The following KIAA1217 variants were observed in gnomAD, a reference collection of about 807,000 sequenced individuals.
The protein encoded by KIAA1217 is KIAA1217, also known as sickle tail protein homolog.
Under a neutral mutation model 163.9 loss-of-function variants are expected in KIAA1217, and 88 were observed. The observed-to-expected ratio is 0.54, with a 90% CI of 0.45 to 0.64. KIAA1217 has a LOEUF of 0.64. KIAA1217 is among the 30% of genes least tolerant of loss of function. The pLI is 0.00. For missense variants in KIAA1217, 2,372 were observed against 2,475.0 expected, an observed-to-expected ratio of 0.96 and a Z score of 0.88; for synonymous variants, 903 against 923.1, an observed-to-expected ratio of 0.98 and a Z score of 0.39.
At chr10:23,735,258 G>A (rs1838731004) in intron 1 of KIAA1217, among the ~76,000 whole-genome samples, 1 of 151,802 alleles carries the variant, frequency 6.6e-6, no homozygotes, top group Admixed American at 6.6e-5. Flanking sequence ...TTTTGAGATG[G>A]AGTCTAGCTC....
At chr10:24,114,946 T>C (rs1040667818) in intron 2 of KIAA1217, among the ~76,000 whole-genome samples, 2 of 152,222 alleles carry the variant, frequency 1.3e-5, no homozygotes, top group Non-Finnish European at 2.9e-5. Context: ...TTTTGAGCTT[T>C]CCTAGCTCAC....
chr10:24,501,227 C>A, intron 8 of KIAA1217, 152 bp from the exon 9 acceptor site: 1 of 670,578 alleles, frequency 1.5e-6, no homozygotes, highest in African/African-American at 1.8e-5. Flanking sequence ...ACACTGCATA[C>A]CATAACACTG....
chr10:23,696,072 A>T (rs1836017563), intron 1 of KIAA1217, among the ~76,000 whole-genome samples: 1 of 151,764 alleles, frequency 6.6e-6, no homozygotes, highest in Non-Finnish European at 1.5e-5. Flanking sequence ...TTCAAAAGAG[A>T]CCCTCGAGAC....
At chr10:24,190,779 C>T (rs550505839) in intron 2 of KIAA1217, among the ~76,000 whole-genome samples, 1 of 152,194 alleles carries the variant, frequency 6.6e-6, no homozygotes, top group South Asian at 2.1e-4. Flanking sequence ...CAATTAGCTA[C>T]CATATGGATA....
At chr10:23,707,093 C>T (rs966978648) in intron 1 of KIAA1217, among the ~76,000 whole-genome samples, 5 of 152,112 alleles carry the variant, frequency 3.3e-5, no homozygotes, top group Admixed American at 6.5e-5. Context: ...AGACCTGACT[C>T]CTGTCCTATG....
At chr10:24,258,778 A>T (rs1440968993) in intron 2 of KIAA1217, among the ~76,000 whole-genome samples, 1 of 151,930 alleles carries the variant, frequency 6.6e-6, no homozygotes, top group Non-Finnish European at 1.5e-5. Context: ...ATTTTTTAGT[A>T]GAGACGGGGT....
At chr10:24,059,132 G>A (rs2060627823) in intron 2 of KIAA1217, among the ~76,000 whole-genome samples, 1 of 152,252 alleles carries the variant, frequency 6.6e-6, no homozygotes, top group Non-Finnish European at 1.5e-5. Flanking sequence ...CTATTGAGAT[G>A]AGCATGTGAT....
intron 1 of KIAA1217, among the ~76,000 whole-genome samples, chr10:23,845,955 G>T (rs1227794590): frequency 6.6e-6 from 1 of 152,158 alleles, no homozygotes; most frequent in Non-Finnish European, 1.5e-5. Context: ...CATATGGCTA[G>T]CCAGTTTTTC....
upstream of KIAA1217, among the ~76,000 whole-genome samples, chr10:24,208,610 A>ATT (rs11389034): frequency 4.3e-3 from 644 of 150,806 alleles, 7 homozygotes; most frequent in African/African-American, 0.015. Flanking sequence ...ATTGTTTGGG[A>ATT]TTTTTTTTTA....
intron 1 of KIAA1217, among the ~76,000 whole-genome samples, chr10:23,816,868 G>A (rs1325749453): frequency 6.6e-6 from 1 of 152,170 alleles, no homozygotes; most frequent in East Asian, 1.9e-4. Flanking sequence ...GTGCAACAGA[G>A]CAGGGCTCAT....
At chr10:23,852,354 G>A (rs1193548334) in intron 1 of KIAA1217, among the ~76,000 whole-genome samples, 2 of 152,118 alleles carry the variant, frequency 1.3e-5, no homozygotes, top group African/African-American at 4.8e-5. Context: ...TGAGGGCTCT[G>A]TTCTGTTCCA....
chr10:24,105,474 C>G (rs535174981), intron 2 of KIAA1217, among the ~76,000 whole-genome samples: 8 of 152,200 alleles, frequency 5.3e-5, no homozygotes, highest in Middle Eastern at 3.4e-3. Context: ...ATGAAATGTC[C>G]CTAACAGCAG....
chr10:23,947,315 TC>T (rs2131347233), intron 1 of KIAA1217, among the ~76,000 whole-genome samples: 1 of 152,330 alleles, frequency 6.6e-6, no homozygotes, highest in South Asian at 2.1e-4. Context: ...ATAAAAAGCT[TC>T]CAAAGAACCT....
intron 9 of KIAA1217, among the ~76,000 whole-genome samples, chr10:24,511,873 G>T (rs1468429585): frequency 6.6e-6 from 1 of 152,140 alleles, no homozygotes; most frequent in African/African-American, 2.4e-5. Flanking sequence ...GCTGGTACGT[G>T]TTCAGGTTTA....
At chr10:23,879,030 T>C (rs771733373) in intron 1 of KIAA1217, among the ~76,000 whole-genome samples, 9 of 151,928 alleles carry the variant, frequency 5.9e-5, no homozygotes, top group African/African-American at 1.2e-4. Context: ...CATCCACGTG[T>C]AGAAATCAAA....
At chr10:23,851,985 T>G (rs1431823063) in intron 1 of KIAA1217, among the ~76,000 whole-genome samples, 1 of 148,708 alleles carries the variant, frequency 6.7e-6, no homozygotes, top group Non-Finnish European at 1.5e-5. Context: ...CCGATGGTAG[T>G]TTTTTTTTGC....
At chr10:24,174,439 C>T (rs2065774355) in intron 2 of KIAA1217, among the ~76,000 whole-genome samples, 1 of 152,156 alleles carries the variant, frequency 6.6e-6, no homozygotes, top group African/African-American at 2.4e-5. Context: ...CACACACACA[C>T]GAGTCTAAAG....
rs565186534 is a variant in KIAA1217 at position 23,709,838 on chromosome 10, A to T, written c.-321+14604A>T. Among the ~76,000 whole-genome samples, 6 of 152,318 alleles carry T rather than the reference A, an allele frequency of 3.9e-5. No homozygotes were observed. The South Asian group carries it at 1.2e-3, about 32-fold the overall frequency. On this transcript the variant is annotated intron_variant, in intron 1 of 18. Transcript: ENST00000376462. Reference sequence around the variant, plus strand: ...CCAAGGTCACAGGCAGTTGGGGCCCACAGTCTGAAAGCTTAGCCATTGTGC... The same window carrying T: ...CCAAGGTCACAGGCAGTTGGGGCCCTCAGTCTGAAAGCTTAGCCATTGTGC...
intron 6 of KIAA1217, among the ~76,000 whole-genome samples, chr10:24,491,784 T>C (rs1234839994): frequency 6.6e-6 from 1 of 152,148 alleles, no homozygotes. Context: ...AAATGAGACC[T>C]ACCTATTTCT....
Sources: gnomAD v4.1 joint callset for allele counts (sites outside exome capture counted in the v4.1 genomes callset) on GRCh38, gnomAD v4.1.1 for gene constraint, MANE v1.5 for transcripts, NCBI Gene and HGNC (gene_info 2026-07-23, HGNC 2026-07-21) for gene names.